TENM2: variants seen among roughly 807,000 people sequenced by gnomAD.
TENM2 encodes teneurin-2.
In TENM2, 52 loss-of-function variants were observed where a neutral mutation model predicts 245.2. The observed-to-expected ratio is 0.21, with a 90% CI of 0.17 to 0.27. The LOEUF is 0.27. Among genes scored for constraint, TENM2 ranks in the 10% least tolerant of loss-of-function variants. TENM2 has a pLI of 1.00. For missense variants in TENM2, 3,046 were observed against 3,666.8 expected, an observed-to-expected ratio of 0.83 and a Z score of 4.37; for synonymous variants, 1,363 against 1,438.9, an observed-to-expected ratio of 0.95 and a Z score of 1.19.
intron 2 of TENM2, among the ~76,000 whole-genome samples, chr5:167,510,264 G>A (rs1769848968): frequency 6.6e-6 from 1 of 152,146 alleles, no homozygotes; most frequent in East Asian, 1.9e-4. Context: ...TGTCTTCTAA[G>A]TGCAACACTG....
chr5:168,095,496 T>C (rs1306483512), intron 8 of TENM2, among the ~76,000 whole-genome samples: 1 of 152,234 alleles, frequency 6.6e-6, no homozygotes, highest in East Asian at 1.9e-4. Flanking sequence ...GAACATTCTC[T>C]TTAAGTAGCT....
chr5:167,143,337 A>G, the TENM2 span, among the ~76,000 whole-genome samples: 597 of 152,322 alleles, frequency 3.9e-3, 1 homozygote, highest in Middle Eastern at 0.02. Flanking sequence ...TTTACCCAGA[A>G]TTCACAATTA....
intron 2 of TENM2, among the ~76,000 whole-genome samples, chr5:167,485,737 G>A (rs1768021430): frequency 6.6e-6 from 1 of 151,936 alleles, no homozygotes; most frequent in African/African-American, 2.4e-5. Context: ...AAGTTGCAGG[G>A]GAAAGACAAG....
chr5:168,124,106 T>C (rs1314659339), intron 10 of TENM2, among the ~76,000 whole-genome samples: 1 of 152,236 alleles, frequency 6.6e-6, no homozygotes, highest in African/African-American at 2.4e-5. Flanking sequence ...GACTGGACTC[T>C]GGCTATCAGC....
At chr5:167,345,769 G>A (rs899172346) in intron 1 of TENM2, among the ~76,000 whole-genome samples, 1 of 151,928 alleles carries the variant, frequency 6.6e-6, no homozygotes, top group Non-Finnish European at 1.5e-5. Flanking sequence ...AATGTAGGAG[G>A]GAATGTTATT....
chr5:167,427,248 T>A (rs1763888459), intron 2 of TENM2, among the ~76,000 whole-genome samples: 1 of 151,682 alleles, frequency 6.6e-6, no homozygotes, highest in South Asian at 2.1e-4. Context: ...AGGTTGGGGG[T>A]TCGAGATAAG....
intron 7 of TENM2, among the ~76,000 whole-genome samples, chr5:168,074,607 C>A (rs938102927): frequency 9.6e-3 from 2 of 208 alleles, no homozygotes; most frequent in Admixed American, 0.091. Flanking sequence ...GACAGAAGAT[C>A]ATCTCTGTGG....
the TENM2 span, among the ~76,000 whole-genome samples, chr5:167,039,521 C>T: frequency 1.3e-5 from 2 of 152,048 alleles, no homozygotes; most frequent in Admixed American, 6.5e-5. Context: ...ATTTGTTCAC[C>T]TGAGGCCAAT....
At chr5:168,148,432 G>A (rs1756306970) in intron 12 of TENM2, among the ~76,000 whole-genome samples, 1 of 152,192 alleles carries the variant, frequency 6.6e-6, no homozygotes, top group South Asian at 2.1e-4. Context: ...ACACATGAAT[G>A]TACCTCCTGA....
At chr5:167,990,077 C>T (rs148668142) in intron 4 of TENM2, among the ~76,000 whole-genome samples, 2 of 152,162 alleles carry the variant, frequency 1.3e-5, no homozygotes, top group African/African-American at 2.4e-5. Context: ...AATGCCTTTA[C>T]GTTCCTTTGT....
chr5:167,874,179 T>C (rs1483126038), intron 2 of TENM2, among the ~76,000 whole-genome samples: 1 of 152,150 alleles, frequency 6.6e-6, no homozygotes, highest in Admixed American at 6.5e-5. Flanking sequence ...CAGCACCACG[T>C]CATTACATGC....
At chr5:167,875,170 A>G (rs1455913906) in intron 2 of TENM2, among the ~76,000 whole-genome samples, 1 of 152,220 alleles carries the variant, frequency 6.6e-6, no homozygotes, top group African/African-American at 2.4e-5. Context: ...GTAGTTGCCT[A>G]GAGCAGGCAG....
chr5:167,439,564 C>A (rs1335500957), intron 2 of TENM2, among the ~76,000 whole-genome samples: 3 of 151,944 alleles, frequency 2.0e-5, no homozygotes, highest in African/African-American at 7.3e-5. Flanking sequence ...ATGCATGGAC[C>A]CTAGGATATA....
chr5:167,992,796 T>A, intron 4 of TENM2, 148 bp from the exon 7 acceptor site: 1 of 622,146 alleles, frequency 1.6e-6, no homozygotes, highest in Non-Finnish European at 2.9e-6. Context: ...CATCATCGAA[T>A]GTAATGTTCG....
chr5:168,004,006 G>T (rs1424444000), intron 5 of TENM2, among the ~76,000 whole-genome samples: 1 of 152,216 alleles, frequency 6.6e-6, no homozygotes, highest in Non-Finnish European at 1.5e-5. Context: ...TACTGAAAAT[G>T]ATGTAAGAGA....
chr5:167,723,688 T>A (rs887680713), intron 2 of TENM2, among the ~76,000 whole-genome samples: 7 of 152,190 alleles, frequency 4.6e-5, no homozygotes, highest in Non-Finnish European at 8.8e-5. Flanking sequence ...CTGCTGCTGT[T>A]CCCTGTCCTA....
chr5:167,098,469 C>A, the TENM2 span, among the ~76,000 whole-genome samples: 1 of 152,102 alleles, frequency 6.6e-6, no homozygotes, highest in Non-Finnish European at 1.5e-5. Context: ...GGTCCTACAC[C>A]CTGACAGTGT....
intron 1 of TENM2, among the ~76,000 whole-genome samples, chr5:167,288,298 A>T (rs977068120): frequency 6.6e-6 from 1 of 152,066 alleles, no homozygotes; most frequent in African/African-American, 2.4e-5. Flanking sequence ...GGTGGCTCAC[A>T]CCTGTAATCC....
At chr5:168,047,616 T>A in intron 6 of TENM2, 67 bp downstream of exon 8, 4 of 1,510,608 alleles carry the variant, frequency 2.6e-6, no homozygotes, top group Non-Finnish European at 3.5e-6. Context: ...GCCAGCTGGT[T>A]CAGGTTTTCT....
Sources: allele counts gnomAD v4.1 joint callset (sites outside exome capture counted in the v4.1 genomes callset), GRCh38; gene constraint gnomAD v4.1.1; transcripts MANE v1.5; gene names NCBI Gene and HGNC (gene_info 2026-07-23, HGNC 2026-07-21).